The following SPOCK3 variants were observed in gnomAD, a reference collection of about 807,000 sequenced individuals.
SPOCK3 encodes the protein SPARC (osteonectin), cwcv and kazal like domains proteoglycan 3, also known as testican-3.
Under a neutral mutation model 56.6 loss-of-function variants are expected in SPOCK3, and 30 were observed. That is an observed-to-expected ratio of 0.53 (90% CI 0.40 to 0.72). The LOEUF is 0.72. Ranked by LOEUF, SPOCK3 falls within the 30% of genes least tolerant of loss-of-function variation. SPOCK3 has a pLI of 0.00. For synonymous variants in SPOCK3, 196 were observed against 183.3 expected (o/e 1.07, Z -0.56); for missense variants, 527 against 530.0 (o/e 0.99, Z 0.06).
intron 4 of SPOCK3, among the ~76,000 whole-genome samples, chr4:166,948,635 C>T (rs1256871191): frequency 6.6e-6 from 1 of 151,872 alleles, no homozygotes; most frequent in Non-Finnish European, 1.5e-5. Flanking sequence ...GCATTTTTTT[C>T]ATATATCTGT....
intron 7 of SPOCK3, among the ~76,000 whole-genome samples, chr4:166,781,862 G>A (rs1740219429): frequency 6.6e-6 from 1 of 151,996 alleles, no homozygotes; most frequent in South Asian, 2.1e-4. Flanking sequence ...GGCATGACAG[G>A]GGTAACATGC....
chr4:167,223,323 A>C (rs889940380), intron 2 of SPOCK3, among the ~76,000 whole-genome samples: 8 of 144,960 alleles, frequency 5.5e-5, no homozygotes, highest in Non-Finnish European at 9.0e-5. Context: ...ATCATATATA[A>C]GCATATATAT....
intron 2 of SPOCK3, among the ~76,000 whole-genome samples, chr4:167,174,451 A>T (rs937616380): frequency 1.3e-5 from 2 of 149,964 alleles, no homozygotes; most frequent in African/African-American, 4.9e-5. Context: ...AAAAAAAATT[A>T]CTCCACTAAA....
At chr4:167,185,197 A>T (rs13139648) in intron 2 of SPOCK3, among the ~76,000 whole-genome samples, 4,682 of 152,304 alleles carry the variant, frequency 0.031, 113 homozygotes, top group Middle Eastern at 0.075. Flanking sequence ...ATCTTTAAAA[A>T]TTTTTAAGGC....
intron 4 of SPOCK3, among the ~76,000 whole-genome samples, chr4:166,968,660 C>T (rs948268352): frequency 7.3e-6 from 1 of 137,434 alleles, no homozygotes; most frequent in Non-Finnish European, 1.5e-5. Flanking sequence ...TATTAAAAGG[C>T]TTGGATGTCA....
At chr4:167,151,444 T>C (rs1468194120) in intron 2 of SPOCK3, among the ~76,000 whole-genome samples, 1 of 149,358 alleles carries the variant, frequency 6.7e-6, no homozygotes, top group Non-Finnish European at 1.5e-5. Context: ...TCTTTTTTTT[T>C]TTTTTTTTGA....
intron 2 of SPOCK3, among the ~76,000 whole-genome samples, chr4:167,166,175 T>C (rs1345986508): frequency 1.3e-5 from 2 of 152,094 alleles, no homozygotes; most frequent in African/African-American, 4.8e-5. Flanking sequence ...AGCTATTTCC[T>C]TTGATATTGT....
At chr4:166,914,702 G>A (rs1737657988) in intron 4 of SPOCK3, among the ~76,000 whole-genome samples, 2 of 152,090 alleles carry the variant, frequency 1.3e-5, no homozygotes, top group South Asian at 2.1e-4. Context: ...TCCAGGAGGC[G>A]GTGGTTGCCA....
intron 2 of SPOCK3, among the ~76,000 whole-genome samples, chr4:167,077,215 T>C (rs756187162): frequency 6.6e-6 from 1 of 151,798 alleles, no homozygotes; most frequent in Non-Finnish European, 1.5e-5. Flanking sequence ...TTTAAAAGGA[T>C]AATAATTTCA....
At chr4:167,179,443 C>G (rs1317336725) in intron 2 of SPOCK3, among the ~76,000 whole-genome samples, 4 of 152,184 alleles carry the variant, frequency 2.6e-5, no homozygotes. Flanking sequence ...ACTTCCCATT[C>G]TTTCCCTGAG....
At chr4:166,915,821 T>C (rs1429076382) in intron 4 of SPOCK3, among the ~76,000 whole-genome samples, 1 of 152,124 alleles carries the variant, frequency 6.6e-6, no homozygotes, top group African/African-American at 2.4e-5. Flanking sequence ...CGAGCATACA[T>C]CTAATTTTTT....
At chr4:167,087,438 G>A (rs551128100) in intron 2 of SPOCK3, among the ~76,000 whole-genome samples, 40 of 152,220 alleles carry the variant, frequency 2.6e-4, no homozygotes, top group African/African-American at 7.5e-4. Flanking sequence ...ATATATTGAC[G>A]TTACAGTAAG....
chr4:166,935,393 A>G lies in SPOCK3; in HGVS notation c.351-22650T>C, dbSNP rs113761347. On this transcript the variant is annotated intron_variant, in intron 4 of 10. Transcript: ENST00000357545. ...CCATTTCAGCATGAGTACTGTGCCC[A>G]TGGAACTTTGGGACATGGGGAACCA... Among the ~76,000 whole-genome samples the G allele has an allele frequency of 3.1e-3, 470 of 152,306 alleles. 4 individuals are homozygous for G. Among genetic ancestry groups the G allele is most frequent in the Non-Finnish European group, 5.1e-3 (345 of 68,020 alleles).
chr4:166,815,701 A>G (rs1488114042), intron 6 of SPOCK3, among the ~76,000 whole-genome samples: 1 of 152,020 alleles, frequency 6.6e-6, no homozygotes, highest in Non-Finnish European at 1.5e-5. Flanking sequence ...ACTTGAGCCC[A>G]GGAATTCCGG....
chr4:166,753,838 T>C (rs539071244), intron 8 of SPOCK3, among the ~76,000 whole-genome samples: 1 of 152,184 alleles, frequency 6.6e-6, no homozygotes, highest in East Asian at 1.9e-4. Context: ...ATATTTAATA[T>C]AAATTATCAT....
At chr4:166,923,421 T>G (rs1738724875) in intron 4 of SPOCK3, among the ~76,000 whole-genome samples, 2 of 152,216 alleles carry the variant, frequency 1.3e-5, no homozygotes. Flanking sequence ...GGCCATCATT[T>G]AGCTCACAAC....
intron 2 of SPOCK3, among the ~76,000 whole-genome samples, chr4:167,184,926 G>C (rs2110791571): frequency 6.6e-6 from 1 of 152,296 alleles, no homozygotes; most frequent in East Asian, 1.9e-4. Flanking sequence ...GTTAAGAACA[G>C]AGATGTCTGA....
chr4:166,800,277 T>C (rs1182673689), intron 6 of SPOCK3, among the ~76,000 whole-genome samples: 3 of 151,240 alleles, frequency 2.0e-5, no homozygotes, highest in Non-Finnish European at 4.4e-5. Context: ...ATTATCTGAT[T>C]ACAAGCGAAT....
intron 4 of SPOCK3, among the ~76,000 whole-genome samples, chr4:166,948,605 C>G (rs891005599): frequency 6.6e-6 from 1 of 151,996 alleles, no homozygotes; most frequent in African/African-American, 2.4e-5. Context: ...ATTTGTATTT[C>G]CTGATGATTA....
Sources: allele counts gnomAD v4.1 joint callset (sites outside exome capture counted in the v4.1 genomes callset), GRCh38; gene constraint gnomAD v4.1.1; transcripts MANE v1.5; gene names NCBI Gene and HGNC (gene_info 2026-07-23, HGNC 2026-07-21).